The following DPP10 variants were observed in gnomAD, a reference collection of about 807,000 sequenced individuals.
DPP10 encodes the protein inactive dipeptidyl peptidase 10.
In DPP10, 33 loss-of-function variants were observed where a neutral mutation model predicts 120.9. The observed-to-expected ratio is 0.27, with a 90% CI of 0.21 to 0.37. The LOEUF is 0.37. Among genes scored for constraint, DPP10 ranks in the 10% least tolerant of loss-of-function variants. The probability of loss-of-function intolerance (pLI) is 1.00; values close to 1 mark genes in which losing one functional copy is unlikely to be tolerated. For missense variants in DPP10, 816 were observed against 942.8 expected (o/e 0.87, Z 1.76); for synonymous variants, 337 against 326.1 (o/e 1.03, Z -0.36).
At chr2:114,968,711 A>G (rs1261355217) in intron 1 of DPP10, among the ~76,000 whole-genome samples, 3 of 152,146 alleles carry the variant, frequency 2.0e-5, no homozygotes, top group African/African-American at 7.2e-5. Context: ...TAATACTTTC[A>G]TTTTTCATAT....
At chr2:115,399,609 GTTTC>G (rs1559544262) in intron 3 of DPP10, among the ~76,000 whole-genome samples, 1 of 151,934 alleles carries the variant, frequency 6.6e-6, no homozygotes, top group African/African-American at 2.4e-5. Flanking sequence ...AGTTTTATGC[GTTTC>G]TTTATCTTCT....
intron 1 of DPP10, among the ~76,000 whole-genome samples, chr2:115,134,528 G>A (rs1177957424): frequency 6.6e-6 from 1 of 152,168 alleles, no homozygotes; most frequent in Non-Finnish European, 1.5e-5. Flanking sequence ...TACATGTCTA[G>A]TACATGATAA....
chr2:115,334,246 TAA>T (rs2062981056), intron 2 of DPP10, among the ~76,000 whole-genome samples: 2 of 144,068 alleles, frequency 1.4e-5, no homozygotes, highest in Admixed American at 1.4e-4. Context: ...TTTTTTTTTT[TAA>T]GAAACCTAGC....
chr2:114,707,356 A>G (rs74789433), intron 1 of DPP10, among the ~76,000 whole-genome samples: 5,002 of 152,326 alleles, frequency 0.033, 127 homozygotes, highest in Middle Eastern at 0.068. Context: ...TATAAGAAGC[A>G]TTTAGATAAC....
At chr2:114,530,692 T>C (rs1338219463) in intron 1 of DPP10, among the ~76,000 whole-genome samples, 1 of 152,146 alleles carries the variant, frequency 6.6e-6, no homozygotes, top group Non-Finnish European at 1.5e-5. Context: ...TTTTATATAA[T>C]GATTGCAGCA....
At chr2:115,662,144 T>A (rs1270828393) in intron 5 of DPP10, among the ~76,000 whole-genome samples, 1 of 152,226 alleles carries the variant, frequency 6.6e-6, no homozygotes, top group Non-Finnish European at 1.5e-5. Flanking sequence ...TGGTTTATTT[T>A]ACTAAGCTTA....
rs116106055 is a variant in DPP10 at position 114,620,780 on chromosome 2, T to C, written c.60+177942T>C. 5.4e-3 allele frequency among the ~76,000 whole-genome samples: 828 copies of C among 152,174 alleles called. 10 individuals carry two copies. The highest frequency in any genetic ancestry group is 0.019 in the African/African-American group (789 of 41,552). The stretch of plus-strand genomic sequence containing the variant: ...CAAAAACCTTTATCTATACTTATAA[T>C]GGACTTTTCACTGCAGCTGAACAAA... On this transcript the variant is annotated intron_variant, in intron 1 of 25. Transcript: ENST00000410059.
chr2:114,764,492 C>T (rs911445149), intron 1 of DPP10, among the ~76,000 whole-genome samples: 19 of 151,850 alleles, frequency 1.3e-4, no homozygotes, highest in South Asian at 2.1e-4. Flanking sequence ...AAGTCTCTAC[C>T]ATTGCTTAAA....
intron 1 of DPP10, among the ~76,000 whole-genome samples, chr2:114,909,394 A>C (rs1344800458): frequency 6.6e-6 from 1 of 152,076 alleles, no homozygotes; most frequent in East Asian, 1.9e-4. Context: ...AGTATAAAAC[A>C]TCAGTACAGA....
chr2:115,028,920 A>G (rs952546658), intron 1 of DPP10, among the ~76,000 whole-genome samples: 2 of 151,988 alleles, frequency 1.3e-5, no homozygotes, highest in African/African-American at 4.8e-5. Context: ...GGCTTCTTCT[A>G]TCTCTTCACT....
At chr2:115,257,620 C>T (rs1033686590) in intron 1 of DPP10, among the ~76,000 whole-genome samples, 4 of 152,172 alleles carry the variant, frequency 2.6e-5, no homozygotes, top group South Asian at 2.1e-4. Flanking sequence ...GGGATGATAT[C>T]TGAGCATGAT....
chr2:115,730,743 T>C (rs897255159), intron 8 of DPP10, among the ~76,000 whole-genome samples: 1 of 152,130 alleles, frequency 6.6e-6, no homozygotes, highest in African/African-American at 2.4e-5. Context: ...GTAGGGGTTG[T>C]GGAGAGCAGA....
chr2:115,678,491 T>A (rs2090434068), intron 5 of DPP10, among the ~76,000 whole-genome samples: 1 of 152,124 alleles, frequency 6.6e-6, no homozygotes, highest in South Asian at 2.1e-4. Context: ...AGAATTGAGG[T>A]TTGGGAACCT....
At chr2:115,364,104 C>T (rs113222517) in intron 3 of DPP10, among the ~76,000 whole-genome samples, 55 of 152,030 alleles carry the variant, frequency 3.6e-4, no homozygotes, top group African/African-American at 9.4e-4. Context: ...TCCTAGGTGG[C>T]GTCTAGGTTC....
chr2:115,092,336 A>T (rs539999896), intron 1 of DPP10, among the ~76,000 whole-genome samples: 2 of 152,280 alleles, frequency 1.3e-5, no homozygotes, highest in East Asian at 1.9e-4. Context: ...ATCATAAAAC[A>T]TCCCATCCAT....
intron 1 of DPP10, among the ~76,000 whole-genome samples, chr2:115,086,452 CTTTTT>C (rs70941026): frequency 1.8e-4 from 19 of 106,444 alleles, no homozygotes; most frequent in East Asian, 2.5e-4. Flanking sequence ...CAATGTATTT[CTTTTT>C]TTTTTTTTTT....
At chr2:115,785,494 T>G (rs1001371954) in intron 17 of DPP10, among the ~76,000 whole-genome samples, 11 of 152,190 alleles carry the variant, frequency 7.2e-5, no homozygotes, top group Non-Finnish European at 1.5e-4. Context: ...AGGCTTTTTA[T>G]TACTCATTTA....
chr2:114,509,530 C>T (rs1683961698), intron 1 of DPP10, among the ~76,000 whole-genome samples: 1 of 152,150 alleles, frequency 6.6e-6, no homozygotes, highest in African/African-American at 2.4e-5. Context: ...CCCAAGGTCT[C>T]TGATGGAAAT....
At chr2:114,508,501 A>G (rs958458237) in intron 1 of DPP10, among the ~76,000 whole-genome samples, 2 of 152,172 alleles carry the variant, frequency 1.3e-5, no homozygotes, top group African/African-American at 2.4e-5. Flanking sequence ...GCTGATAGAC[A>G]TTTGGGTTGT....
Sources: gnomAD v4.1 joint callset for allele counts (sites outside exome capture counted in the v4.1 genomes callset) on GRCh38, gnomAD v4.1.1 for gene constraint, MANE v1.5 for transcripts, NCBI Gene and HGNC (gene_info 2026-07-23, HGNC 2026-07-21) for gene names.